The following GPM6A variants were observed in gnomAD, a reference collection of about 807,000 sequenced individuals.
GPM6A encodes the protein glycoprotein M6A.
In GPM6A, 7 loss-of-function variants were observed where a neutral mutation model predicts 32.1. The observed-to-expected ratio is 0.22, with a 90% CI of 0.12 to 0.41. The LOEUF (loss-of-function observed/expected upper bound fraction) is 0.41, where lower values mean the gene tolerates loss of function less well. Ranked by LOEUF, GPM6A falls within the 10% of genes least tolerant of loss-of-function variation. The pLI is 1.00. For missense variants in GPM6A, 235 were observed against 347.2 expected (o/e 0.68, Z 2.57); for synonymous variants, 130 against 123.4 (o/e 1.05, Z -0.35).
intron 1 of GPM6A, among the ~76,000 whole-genome samples, chr4:175,810,540 A>T (rs541294086): frequency 6.6e-6 from 1 of 151,110 alleles, no homozygotes; most frequent in African/African-American, 2.5e-5. Context: ...AGAAAAAAAC[A>T]TCACAACTAA....
chr4:175,841,456 A>G (rs1735932644), intron 1 of GPM6A, among the ~76,000 whole-genome samples: 1 of 152,174 alleles, frequency 6.6e-6, no homozygotes, highest in Non-Finnish European at 1.5e-5. Flanking sequence ...GAAATATGGT[A>G]AAATAAAGAT....
At chr4:175,976,317 A>C (rs1579679963) in intron 1 of GPM6A, among the ~76,000 whole-genome samples, 1 of 122,152 alleles carries the variant, frequency 8.2e-6, no homozygotes, top group Admixed American at 8.6e-5. Flanking sequence ...GCCTGCCACC[A>C]CGCCTGGCTA....
At chr4:175,939,178 T>A (rs73871288) in intron 1 of GPM6A, among the ~76,000 whole-genome samples, 9,200 of 152,258 alleles carry the variant, frequency 0.06, 872 homozygotes, top group African/African-American at 0.21. Context: ...GACTAGAGTT[T>A]GAATTCAGAA....
intron 1 of GPM6A, among the ~76,000 whole-genome samples, chr4:175,827,303 A>G (rs1028660242): frequency 2.0e-5 from 3 of 152,228 alleles, no homozygotes; most frequent in African/African-American, 7.2e-5. Flanking sequence ...TAATAATACA[A>G]AACGTTTAGT....
At chr4:175,673,155 G>A (rs78957268) in intron 3 of GPM6A, among the ~76,000 whole-genome samples, 8,810 of 151,910 alleles carry the variant, frequency 0.058, 556 homozygotes, top group East Asian at 0.34. Flanking sequence ...AGATAGATAC[G>A]CATTGTCTGT....
At chr4:175,724,554 A>T (rs6419994) in intron 1 of GPM6A, among the ~76,000 whole-genome samples, 148,581 of 151,268 alleles carry the variant, frequency 0.98, 73,040 homozygotes, top group Middle Eastern at 1. Context: ...CAAAAAAAAA[A>T]TTTTTTTTAA....
At chr4:175,961,842 C>A (rs1740174884) in intron 1 of GPM6A, among the ~76,000 whole-genome samples, 2 of 152,158 alleles carry the variant, frequency 1.3e-5, no homozygotes, top group Non-Finnish European at 2.9e-5. Context: ...CCCACTCTAG[C>A]CTTCCTGTTT....
chr4:175,880,108 T>TA (rs1377462849), intron 1 of GPM6A, among the ~76,000 whole-genome samples: 1 of 152,228 alleles, frequency 6.6e-6, no homozygotes, highest in Non-Finnish European at 1.5e-5. Context: ...TGCATATGGC[T>TA]AGCCAGTTTT....
chr4:175,782,816 T>A (rs1451058781), intron 1 of GPM6A, among the ~76,000 whole-genome samples: 1 of 152,082 alleles, frequency 6.6e-6, no homozygotes, highest in Non-Finnish European at 1.5e-5. Flanking sequence ...ATTTCTTTCT[T>A]TAATACACGA....
At chr4:175,651,719 G>T in intron 4 of GPM6A, 115 bp downstream of exon 4, 1 of 758,944 alleles carries the variant, frequency 1.3e-6, no homozygotes, top group Non-Finnish European at 2.2e-6. Flanking sequence ...ATTTATCTCT[G>T]TGGTAGAAAA....
chr4:175,636,503 T>C (rs1740622661), intron 6 of GPM6A, among the ~76,000 whole-genome samples: 1 of 150,940 alleles, frequency 6.6e-6, no homozygotes, highest in Admixed American at 6.6e-5. Context: ...TTATTAAATA[T>C]GTATAATTGA....
intron 2 of GPM6A, among the ~76,000 whole-genome samples, chr4:175,677,055 T>C (rs1743410704): frequency 6.6e-6 from 1 of 152,188 alleles, no homozygotes; most frequent in African/African-American, 2.4e-5. Context: ...ACAGTAATTT[T>C]TTAGATCAAC....
chr4:175,766,653 C>CTTT (rs763676067), intron 1 of GPM6A, among the ~76,000 whole-genome samples: 6 of 132,704 alleles, frequency 4.5e-5, no homozygotes, highest in Non-Finnish European at 3.2e-5. Context: ...TCCACTTACT[C>CTTT]TTTTTTTTTT....
intron 1 of GPM6A, among the ~76,000 whole-genome samples, chr4:175,833,458 A>T (rs1008261529): frequency 3.9e-5 from 6 of 152,136 alleles, no homozygotes; most frequent in African/African-American, 1.2e-4. Context: ...CCACATCCGT[A>T]ATCCAGTTCA....
At chr4:175,985,194 T>G (rs1011729896) in intron 1 of GPM6A, among the ~76,000 whole-genome samples, 1 of 152,230 alleles carries the variant, frequency 6.6e-6, no homozygotes, top group African/African-American at 2.4e-5. Context: ...TATCTATATA[T>G]GTACACACAC....
chr4:175,808,809 T>C (rs943199312), intron 1 of GPM6A: 2 of 152,228 alleles, frequency 1.3e-5, no homozygotes, highest in Non-Finnish European at 2.9e-5. Context: ...CAAAACTTTC[T>C]GGTATACTCC....
chr4:175,988,963 A>G (rs1471845739), intron 1 of GPM6A, among the ~76,000 whole-genome samples: 1 of 152,206 alleles, frequency 6.6e-6, no homozygotes, highest in African/African-American at 2.4e-5. Context: ...CAAAGAAAAC[A>G]GAAGGACTCA....
chr4:175,695,737 G>A (rs1305602928), intron 2 of GPM6A, among the ~76,000 whole-genome samples: 1 of 152,058 alleles, frequency 6.6e-6, no homozygotes, highest in Non-Finnish European at 1.5e-5. Context: ...TAAGAATTTG[G>A]GGGAACTTAG....
intron 1 of GPM6A, among the ~76,000 whole-genome samples, chr4:175,794,110 C>T (rs902312715): frequency 1.3e-5 from 2 of 152,142 alleles, no homozygotes; most frequent in Non-Finnish European, 2.9e-5. Context: ...ATTGACAGGC[C>T]TAAGAAGCAA....
Sources: gnomAD v4.1 joint callset for allele counts (sites outside exome capture counted in the v4.1 genomes callset) on GRCh38, gnomAD v4.1.1 for gene constraint, MANE v1.5 for transcripts, NCBI Gene and HGNC (gene_info 2026-07-23, HGNC 2026-07-21) for gene names.